The following SLC5A6 variants were observed in gnomAD, a reference collection of about 807,000 sequenced individuals.
The protein encoded by SLC5A6 is solute carrier family 5 member 6.
A neutral mutation model predicts 67.9 loss-of-function variants in SLC5A6; 31 were observed. The observed-to-expected ratio is 0.46, with a 90% CI of 0.34 to 0.62. The LOEUF (loss-of-function observed/expected upper bound fraction) is 0.62, where lower values mean the gene tolerates loss of function less well. Ranked by LOEUF, SLC5A6 falls within the 20% of genes least tolerant of loss-of-function variation. The pLI is 0.01. For missense variants in SLC5A6, 673 were observed against 812.8 expected, an observed-to-expected ratio of 0.83 and a Z score of 2.09; for synonymous variants, 343 against 331.0, an observed-to-expected ratio of 1.04 and a Z score of -0.39.
intron 2 of SLC5A6, among the ~76,000 whole-genome samples, chr2:27,210,443 T>C (rs1460001727): frequency 1.4e-5 from 2 of 147,770 alleles, no homozygotes; most frequent in Non-Finnish European, 3.0e-5. Flanking sequence ...CCCCCCTTTT[T>C]TTTTGGAGAC....
chr2:27,201,702 G>T lies in SLC5A6; in HGVS notation c.1508C>A (p.Thr503Asn). Residue 503 changes from threonine (T) to asparagine (N), a missense_variant, in exon 14 of 17, where the codon ACT (threonine) becomes AAT (asparagine). Physicochemically the swap from Thr to Asn is moderately conservative, Grantham distance 65. Transcript: ENST00000310574. ...FSLPTNLTVATVTTLMPLTTF... is the reference protein window; with the variant it reads ...FSLPTNLTVANVTTLMPLTTF... ...AGTCAAGGGCATCAGTGTGGTCACA[G>T]TGGCAACGGTTAGATTGGTGGGCAG... 6.2e-7 allele frequency: 1 copy of T among 1,614,212 alleles called. No individual in the cohort carries two copies. The highest frequency in any genetic ancestry group is 8.5e-7 in the Non-Finnish European group (1 of 1,180,014).
At chr2:27,205,258 T>C (rs974610757) in intron 7 of SLC5A6, 92 bp downstream of exon 7, 99 of 1,318,030 alleles carry the variant, frequency 7.5e-5, no homozygotes, top group South Asian at 2.0e-4. Context: ...CTTCCCAGTT[T>C]ACCTTCTGCT....
intron 15 of SLC5A6, 99 bp downstream of exon 15, chr2:27,201,251 C>T: frequency 1.0e-6 from 1 of 983,162 alleles, no homozygotes; most frequent in Non-Finnish European, 1.6e-6. Context: ...GCTACGGACA[C>T]CCAAGAGCTC....
chr2:27,204,934 G>C lies in SLC5A6; in HGVS notation c.735-3C>G, dbSNP rs757011134. Reference sequence around the variant, plus strand: ...GCACAAAGGGGTCTGGATCCAGCCTGTAACAGACACCACCCAGTCATTGTG... The same window carrying C: ...GCACAAAGGGGTCTGGATCCAGCCTCTAACAGACACCACCCAGTCATTGTG... On this transcript the variant is annotated splice_region_variant and splice_polypyrimidine_tract_variant and intron_variant, in intron 7 of 16. Coordinates refer to ENST00000310574, the MANE Select transcript of SLC5A6 (RefSeq NM_021095.4). 25 of 1,612,274 alleles carry C rather than the reference G, an allele frequency of 1.6e-5. No individual in the cohort carries two copies. Among genetic ancestry groups the C allele is most frequent in the Non-Finnish European group, 2.1e-5 (25 of 1,179,996 alleles).
chr2:27,212,057 G>A lies in SLC5A6; in HGVS notation c.-245C>T. On this transcript the variant is annotated 5_prime_UTR_variant, in exon 1 of 17. Coordinates refer to ENST00000310574, the MANE Select transcript of SLC5A6 (RefSeq NM_021095.4). ...GAGGGGCCCGAGTTTCTGCGAAGCC[G>A]CGACCTCGGCGTCCGGACGCGGGGA... is the stretch of plus-strand genomic sequence containing the variant. The A allele has an allele frequency of 8.2e-6, 9 of 1,095,298 alleles. No individual in the cohort carries two copies. The highest frequency in any genetic ancestry group is 1.0e-5 in the Non-Finnish European group (8 of 792,572). 67.8% of individuals were successfully genotyped at this position (1,095,298 alleles called of 1,614,324 possible). A position where few individuals can be genotyped will look rare whatever the true frequency, so the allele number is the denominator to read the frequency against.
intron 2 of SLC5A6, among the ~76,000 whole-genome samples, chr2:27,209,826 G>A (rs919474193): frequency 2.0e-5 from 3 of 152,188 alleles, no homozygotes; most frequent in Non-Finnish European, 4.4e-5. Flanking sequence ...ACCTCTTGGG[G>A]CCAATAAAGA....
chr2:27,209,946 C>G (rs2148024971), intron 2 of SLC5A6, among the ~76,000 whole-genome samples: 1 of 152,246 alleles, frequency 6.6e-6, no homozygotes, highest in African/African-American at 2.4e-5. Flanking sequence ...ATTGCAACAC[C>G]CTGAGTTTTC....
In SLC5A6 at chr2:27,204,506, C is replaced by G. The variant is rs775842470; in HGVS notation, c.960G>C (p.Gln320His). Residue 320 changes from glutamine (Q) to histidine (H), a missense_variant, in exon 9 of 17, where the codon CAG (glutamine) becomes CAC (histidine). Physicochemically the swap from Gln to His is conservative, Grantham distance 24. Coordinates refer to ENST00000310574, the MANE Select transcript of SLC5A6 (RefSeq NM_021095.4). ...CCTGCTGAATGCTCATGGGATACTC[C>G]TGGTAATACGCGAACATGACCAGGC... ...LIGLVMFAYY[Q>H]EYPMSIQQAQ... The G allele has an allele frequency of 1.2e-5, 20 of 1,613,936 alleles. No homozygotes were observed. The highest frequency in any genetic ancestry group is 1.7e-5 in the Non-Finnish European group (20 of 1,179,972).
intron 13 of SLC5A6, 48 bp from the exon 14 acceptor site, chr2:27,201,895 C>T (rs1424011715): frequency 6.2e-7 from 1 of 1,610,890 alleles, no homozygotes; most frequent in Admixed American, 1.7e-5. Context: ...CCTGCCAGCC[C>T]TCACGGCAGT....
In SLC5A6 at chr2:27,200,682, G is replaced by C; in HGVS notation, c.1765-103C>G. 2.4e-6 allele frequency: 3 copies of C among 1,273,242 alleles called. No individual in the cohort carries two copies. The East Asian group carries it at 7.0e-5, about 30-fold the overall frequency. 78.9% of individuals were successfully genotyped at this position (1,273,242 alleles called of 1,614,324 possible). A position where few individuals can be genotyped will look rare whatever the true frequency, so the allele number is the denominator to read the frequency against. ...CCCCGCCAGAAGGGAGCCCAGCAAG[G>C]CTGGGTTCGGGAGGGAGAGCAGGGG... On this transcript the variant is annotated intron_variant, in intron 16 of 16. Transcript: ENST00000310574.
chr2:27,200,174 A>G lies in SLC5A6; in HGVS notation c.*262T>C, dbSNP rs1427501020. 4 of 359,558 alleles carry G rather than the reference A, an allele frequency of 1.1e-5. No homozygotes were observed. The Admixed American group carries it at 1.3e-4, about 12-fold the overall frequency. 22.3% of individuals were successfully genotyped at this position (359,558 alleles called of 1,614,324 possible). A position where few individuals can be genotyped will look rare whatever the true frequency, so the allele number is the denominator to read the frequency against. On this transcript the variant is annotated 3_prime_UTR_variant, in exon 17 of 17. Transcript: ENST00000310574. ...TCCCAGAGGATGCACTTCCATCCCTATTTCTGGCATGATCCTGCTCCCTAC... is the reference window on the plus strand; with the variant it reads ...TCCCAGAGGATGCACTTCCATCCCTGTTTCTGGCATGATCCTGCTCCCTAC...
At chr2:27,203,068 C>A in intron 11 of SLC5A6, 165 bp downstream of exon 11, 1 of 1,494,466 alleles carries the variant, frequency 6.7e-7, no homozygotes, top group Non-Finnish European at 8.9e-7. Flanking sequence ...CTCCCTAGGA[C>A]ATGCCCTGAG....
At chr2:27,211,199 G>A (rs1401669724) in intron 2 of SLC5A6, among the ~76,000 whole-genome samples, 1 of 152,164 alleles carries the variant, frequency 6.6e-6, no homozygotes, top group East Asian at 1.9e-4. Flanking sequence ...AAGGCTTTGG[G>A]GGCCCTCCTT....
rs553149808 is a variant in SLC5A6, at chr2:27,205,572, T to A, written c.580-68A>T. On this transcript the variant is annotated intron_variant, in intron 6 of 16. Coordinates refer to ENST00000310574, the MANE Select transcript of SLC5A6 (RefSeq NM_021095.4). ...ACCCAGCTTGTCCAACCTGCCTTAT[T>A]TTGTTGTTGCTCCATTTTGTTTTGT... The A allele has an allele frequency of 1.3e-5, 21 of 1,559,380 alleles. 1 individual carries two copies. The South Asian group carries it at 1.7e-4, about 13-fold the overall frequency.
Position 27,205,512 on chromosome 2 carries a change from GA to G in SLC5A6, c.580-9del, listed in dbSNP as rs1673991608. 6.2e-7 allele frequency: 1 copy of G among 1,613,938 alleles called. No homozygotes were observed. Among genetic ancestry groups the G allele is most frequent in the Non-Finnish European group, 8.5e-7 (1 of 1,179,990 alleles). Reference sequence around the variant, plus strand: ...GACGGCCTTCAGCCCACCCTGCAAGGAAAGCACAGCAAACCTGCCACAGAGG... The same window carrying G: ...GACGGCCTTCAGCCCACCCTGCAAGGAAGCACAGCAAACCTGCCACAGAGG... On this transcript the variant is annotated splice_polypyrimidine_tract_variant and intron_variant, in intron 6 of 16. Coordinates refer to ENST00000310574, the MANE Select transcript of SLC5A6 (RefSeq NM_021095.4).
At chr2:27,202,903 G>GA in intron 11 of SLC5A6, 23 bp from the exon 12 acceptor site, 1 of 1,611,678 alleles carries the variant, frequency 6.2e-7, no homozygotes, top group Non-Finnish European at 8.5e-7. Context: ...GACAGGAGAG[G>GA]AAACAAGAAG....
intron 15 of SLC5A6, 58 bp from the exon 16 acceptor site, chr2:27,201,171 A>C: frequency 7.4e-7 from 1 of 1,354,416 alleles, no homozygotes; most frequent in South Asian, 1.3e-5. Flanking sequence ...AGCGGGCCCC[A>C]TGTCCTCCCT....
At chr2:27,205,920 T>G in intron 6 of SLC5A6, 106 bp downstream of exon 6, 1 of 843,214 alleles carries the variant, frequency 1.2e-6, no homozygotes, top group Non-Finnish European at 1.9e-6. Context: ...ATTTCACCTA[T>G]TCTCCTCATC....
intron 6 of SLC5A6, 64 bp from the exon 7 acceptor site, chr2:27,205,568 T>A: frequency 6.4e-7 from 1 of 1,572,900 alleles, no homozygotes; most frequent in African/African-American, 1.4e-5. Flanking sequence ...CCAACCTGCC[T>A]TATTTTGTTG....
Sources: allele counts gnomAD v4.1 joint callset (sites outside exome capture counted in the v4.1 genomes callset), GRCh38; gene constraint gnomAD v4.1.1; transcripts MANE v1.5; gene names NCBI Gene and HGNC (gene_info 2026-07-23, HGNC 2026-07-21).